Variants in CRHR1 observed in about 807,000 individuals in gnomAD.
The protein encoded by CRHR1 is corticotropin releasing hormone receptor 1.
In CRHR1, 28 loss-of-function variants were observed where a neutral mutation model predicts 56.0. The ratio of observed to expected loss-of-function variants is 0.50; its 90% CI spans 0.37 to 0.69. The LOEUF is 0.69. Ranked by LOEUF, CRHR1 falls within the 30% of genes least tolerant of loss-of-function variation. CRHR1 has a pLI of 0.00. For missense variants in CRHR1, 376 were observed against 548.0 expected, an observed-to-expected ratio of 0.69 and a Z score of 3.13; for synonymous variants, 195 against 216.5, an observed-to-expected ratio of 0.90 and a Z score of 0.87.
At chr17:45,816,734 C>T (rs1350816995) in intron 3 of CRHR1, 152 bp downstream of exon 3, 1 of 1,241,708 alleles carries the variant, frequency 8.1e-7, no homozygotes, top group Non-Finnish European at 1.1e-6. Flanking sequence ...GCTGTATTCT[C>T]CTGGGTGCCC....
rs1452408246 is a variant in CRHR1, at chr17:45,784,737, T to C, written c.33+160T>C. 6.6e-6 allele frequency among the ~76,000 whole-genome samples: 1 copy of C among 152,054 alleles called. No individual in the cohort carries two copies. The highest frequency in any genetic ancestry group is 1.5e-5 in the Non-Finnish European group (1 of 67,986). ...CGGGGCAGCCTAACTCTCTGGACCT[T>C]TGGAGCCAGGGTTGGGTAGGCAGGG... is the stretch of plus-strand genomic sequence containing the variant. On this transcript the variant is annotated intron_variant, in intron 1 of 12. Transcript: ENST00000314537. The surrounding 1 kb of genome is among the most constrained non-coding windows in gnomAD (Gnocchi z 4.2).
chr17:45,828,464 G>A (rs2062215886), intron 4 of CRHR1, among the ~76,000 whole-genome samples: 1 of 152,200 alleles, frequency 6.6e-6, no homozygotes, highest in Admixed American at 6.5e-5. Context: ...AAACAGGAAG[G>A]CTTCACCACT....
chr17:45,814,423 C>T (rs2061886048), intron 2 of CRHR1, among the ~76,000 whole-genome samples: 1 of 152,220 alleles, frequency 6.6e-6, no homozygotes, highest in Non-Finnish European at 1.5e-5. Flanking sequence ...TCCAAAATAC[C>T]TGCCTATGAG....
At position 45,833,124 on chromosome 17, in the gene CRHR1, CTG is replaced by C; in HGVS notation, c.771-11_771-10del. 1 of 1,611,770 alleles carries C rather than the reference CTG, an allele frequency of 6.2e-7. No individual in the cohort carries two copies. The highest frequency in any genetic ancestry group is 8.5e-7 in the Non-Finnish European group (1 of 1,177,762). The stretch of plus-strand genomic sequence containing the variant: ...CAGATGACCCTTCCTCCCCTTTCCT[CTG>C]TGGCCTTCTAGGTGCTGGTTTGGCA... On this transcript the variant is annotated splice_polypyrimidine_tract_variant and intron_variant, in intron 8 of 12. Transcript: ENST00000314537.
chr17:45,799,525 G>A (rs2061581832), intron 1 of CRHR1: 1 of 152,244 alleles, frequency 6.6e-6, no homozygotes, highest in Non-Finnish European at 1.5e-5. Context: ...ACAGTGCAAA[G>A]CAAAGCAGAG....
chr17:45,832,277 A>C (rs1284178325), intron 8 of CRHR1, among the ~76,000 whole-genome samples: 3 of 152,078 alleles, frequency 2.0e-5, no homozygotes, highest in Non-Finnish European at 4.4e-5. Flanking sequence ...CTAAAGGAGA[A>C]AGTGAGTCTG....
intron 3 of CRHR1, among the ~76,000 whole-genome samples, chr17:45,817,665 G>A (rs1035042198): frequency 6.6e-6 from 1 of 152,218 alleles, no homozygotes; most frequent in African/African-American, 2.4e-5. Flanking sequence ...GGAAGACCCA[G>A]CCAGAAAGTG....
At chr17:45,816,645 A>T in intron 3 of CRHR1, 63 bp downstream of exon 3, 1 of 1,604,798 alleles carries the variant, frequency 6.2e-7, no homozygotes, top group South Asian at 1.1e-5. Context: ...GAGAGCTTGG[A>T]GGTGGGGGAA....
At chr17:45,815,655 G>T (rs1431396331) in intron 2 of CRHR1, among the ~76,000 whole-genome samples, 1 of 152,160 alleles carries the variant, frequency 6.6e-6, no homozygotes, top group Non-Finnish European at 1.5e-5. Context: ...TTCTGATCTG[G>T]TTCAACCACT....
intron 2 of CRHR1, among the ~76,000 whole-genome samples, chr17:45,813,315 C>A (rs1568049966): frequency 6.6e-6 from 1 of 152,250 alleles, no homozygotes; most frequent in East Asian, 1.9e-4. Flanking sequence ...CCCAACCCCC[C>A]CACCCCAAGC....
intron 9 of CRHR1, 107 bp downstream of exon 9, chr17:45,833,317 G>A: frequency 6.9e-7 from 1 of 1,456,944 alleles, no homozygotes. Context: ...GCCACCCAAA[G>A]AGGGGGCATG....
At chr17:45,789,712 G>T (rs1017135016) in intron 1 of CRHR1, among the ~76,000 whole-genome samples, 3 of 152,134 alleles carry the variant, frequency 2.0e-5, no homozygotes, top group Admixed American at 2.0e-4. Flanking sequence ...TGGACTTGTT[G>T]CTCTAGGCCA....
In CRHR1 at chr17:45,835,090, T is replaced by A. The variant is rs1315409270; in HGVS notation, c.*326T>A. 5 of 328,184 alleles carry A rather than the reference T, an allele frequency of 1.5e-5. No individual in the cohort carries two copies. Among genetic ancestry groups the A allele is most frequent in the Non-Finnish European group, 2.8e-5 (5 of 177,458 alleles). 20.3% of individuals were successfully genotyped at this position (328,184 alleles called of 1,614,324 possible). ...GCACGCATGTCCCTCCAAGGCTGTCTTCTCCCAGAGCACAAGAAGGCCAGC... is the reference window on the plus strand; with the variant it reads ...GCACGCATGTCCCTCCAAGGCTGTCATCTCCCAGAGCACAAGAAGGCCAGC... On this transcript the variant is annotated 3_prime_UTR_variant, in exon 13 of 13. Transcript: ENST00000314537.
At chr17:45,799,302 A>G (rs1012482339) in intron 1 of CRHR1, 1 of 152,238 alleles carries the variant, frequency 6.6e-6, no homozygotes, top group African/African-American at 2.4e-5. Flanking sequence ...CTTGTATTCA[A>G]TTAGTCCGTA....
intron 3 of CRHR1, among the ~76,000 whole-genome samples, chr17:45,820,667 A>C (rs1227556317): frequency 1.3e-5 from 2 of 152,056 alleles, no homozygotes; most frequent in Non-Finnish European, 2.9e-5. Context: ...CACGCCTGTC[A>C]CCTGTCATTT....
At chr17:45,808,184 A>C (rs930748994) in intron 2 of CRHR1, among the ~76,000 whole-genome samples, 1 of 152,236 alleles carries the variant, frequency 6.6e-6, no homozygotes, top group East Asian at 1.9e-4. Context: ...CCACAAATGC[A>C]TGTGCGATGA....
chr17:45,807,007 C>T lies in CRHR1; in HGVS notation c.34-3C>T, dbSNP rs954847384. 6.2e-7 allele frequency: 1 copy of T among 1,613,642 alleles called. No homozygotes were observed. The highest frequency in any genetic ancestry group is 2.2e-5 in the East Asian group (1 of 44,874). On this transcript the variant is annotated splice_region_variant and splice_polypyrimidine_tract_variant and intron_variant, in intron 1 of 12. Transcript: ENST00000314537. The stretch of plus-strand genomic sequence containing the variant: ...ATGTGTCCTTCGCCTCCTGTGCCTG[C>T]AGGCCCTTCTCCTTCTGGGGCTGAA...
Position 45,834,915 on chromosome 17 carries a change from TC to T in CRHR1, c.*156del. ...CACTGACAGCCTGGGGGGGCCGCTC[TC>T]CCCCTGCAGCCGTGCAGGACTCTAG... On this transcript the variant is annotated 3_prime_UTR_variant, in exon 13 of 13. Transcript: ENST00000314537. 9.5e-7 allele frequency: 1 copy of T among 1,052,880 alleles called. No homozygotes were observed. Among genetic ancestry groups the T allele is most frequent in the Non-Finnish European group, 1.4e-6 (1 of 731,930 alleles). 65.2% of individuals were successfully genotyped at this position (1,052,880 alleles called of 1,614,324 possible).
intron 1 of CRHR1, among the ~76,000 whole-genome samples, chr17:45,803,630 C>G (rs926231971): frequency 1.3e-5 from 2 of 152,236 alleles, no homozygotes; most frequent in African/African-American, 4.8e-5. Flanking sequence ...AGGTGATCCG[C>G]CTGCCTTGGC....
Sources: allele counts gnomAD v4.1 joint callset (sites outside exome capture counted in the v4.1 genomes callset), GRCh38; gene constraint gnomAD v4.1.1; non-coding constraint Gnocchi (gnomAD v3.1); transcripts MANE v1.5; gene names NCBI Gene and HGNC (gene_info 2026-07-23, HGNC 2026-07-21).